Variants in ANGPT1 observed in about 807,000 individuals in gnomAD.
The protein encoded by ANGPT1 is angiopoietin 1, also known as angiopoietin-1.
A neutral mutation model predicts 62.2 loss-of-function variants in ANGPT1; 17 were observed. The observed-to-expected ratio is 0.27, with a 90% CI of 0.19 to 0.41. The LOEUF (loss-of-function observed/expected upper bound fraction) is 0.41. Ranked by LOEUF, ANGPT1 falls within the 10% of genes least tolerant of loss-of-function variation. ANGPT1 has a pLI of 1.00. For missense variants in ANGPT1, 478 were observed against 594.9 expected, an observed-to-expected ratio of 0.80 and a Z score of 2.04; for synonymous variants, 199 against 198.9, an observed-to-expected ratio of 1.00 and a Z score of 0.00.
intron 1 of ANGPT1, among the ~76,000 whole-genome samples, chr8:107,461,307 G>A (rs542265261): frequency 6.6e-6 from 1 of 152,034 alleles, no homozygotes; most frequent in African/African-American, 2.4e-5. Flanking sequence ...TTTAGTAAAA[G>A]GTACTTATGC....
intron 1 of ANGPT1, among the ~76,000 whole-genome samples, chr8:107,406,899 A>AG (rs371141746): frequency 0.088 from 13,306 of 150,642 alleles, 672 homozygotes; most frequent in Non-Finnish European, 0.12. Context: ...AAAAAAAAAA[A>AG]GCAATTCTAC....
intron 6 of ANGPT1, among the ~76,000 whole-genome samples, chr8:107,290,035 C>G (rs540779860): frequency 6.6e-6 from 1 of 152,092 alleles, no homozygotes; most frequent in African/African-American, 2.4e-5. Context: ...ATCCATAAAC[C>G]AGATTTTGCT....
At chr8:107,314,302 T>C (rs113778028) in intron 4 of ANGPT1, among the ~76,000 whole-genome samples, 2 of 152,182 alleles carry the variant, frequency 1.3e-5, no homozygotes, top group Admixed American at 6.5e-5. Context: ...ATATCCCTTT[T>C]CAGATAGTTC....
intron 4 of ANGPT1, among the ~76,000 whole-genome samples, chr8:107,313,132 TTAAGA>T (rs754746122): frequency 2.4e-3 from 369 of 151,880 alleles, no homozygotes; most frequent in Non-Finnish European, 3.7e-3. Context: ...CTAAAAATAA[TTAAGA>T]TAATTAAGAT....
At chr8:107,412,184 G>A (rs1321121892) in intron 1 of ANGPT1, among the ~76,000 whole-genome samples, 1 of 152,052 alleles carries the variant, frequency 6.6e-6, no homozygotes, top group African/African-American at 2.4e-5. Flanking sequence ...GGCAAACAAG[G>A]GGAGATTTTC....
At chr8:107,385,642 C>T (rs7829035) in intron 1 of ANGPT1, among the ~76,000 whole-genome samples, 5,084 of 151,920 alleles carry the variant, frequency 0.033, 289 homozygotes, top group African/African-American at 0.11. Flanking sequence ...TGCCTGATTG[C>T]TCTGGCTAGG....
At chr8:107,290,605 T>G (rs1320671631) in intron 6 of ANGPT1, among the ~76,000 whole-genome samples, 1 of 152,198 alleles carries the variant, frequency 6.6e-6, no homozygotes, top group African/African-American at 2.4e-5. Flanking sequence ...GTTTTAACCA[T>G]CTTGTAACAT....
chr8:107,359,119 AG>A (rs1288951009), intron 1 of ANGPT1, among the ~76,000 whole-genome samples: 1 of 152,182 alleles, frequency 6.6e-6, no homozygotes, highest in African/African-American at 2.4e-5. Context: ...ATATATTAAC[AG>A]TATTGTTTTA....
intron 3 of ANGPT1, among the ~76,000 whole-genome samples, chr8:107,329,421 T>C (rs1815367653): frequency 6.6e-6 from 1 of 152,090 alleles, no homozygotes; most frequent in African/African-American, 2.4e-5. Flanking sequence ...GTCATAGGTC[T>C]AGAATGGCCT....
intron 1 of ANGPT1, among the ~76,000 whole-genome samples, chr8:107,396,633 G>C (rs1001926657): frequency 7.1e-6 from 1 of 141,582 alleles, no homozygotes; most frequent in Non-Finnish European, 1.5e-5. Flanking sequence ...GGATCTTCAT[G>C]CTTCAGCCTC....
In ANGPT1 at chr8:107,346,928, G is replaced by T. The variant is rs747045326; in HGVS notation, c.453+14C>A. ...TTCCTTGTTGAGTCTGTGGACTCTGGCCCTGGGGTGTACCTGGGTCTCAAC... is the reference window on the plus strand; with the variant it reads ...TTCCTTGTTGAGTCTGTGGACTCTGTCCCTGGGGTGTACCTGGGTCTCAAC... On this transcript the variant is annotated intron_variant, in intron 2 of 8. Transcript: ENST00000517746. 19 of 1,605,284 alleles carry T rather than the reference G, an allele frequency of 1.2e-5. No homozygotes were observed. The highest frequency in any genetic ancestry group is 3.4e-5 in the Admixed American group (2 of 58,512).
chr8:107,302,223 A>T (rs1310590399), intron 5 of ANGPT1, among the ~76,000 whole-genome samples: 1 of 151,956 alleles, frequency 6.6e-6, no homozygotes, highest in Non-Finnish European at 1.5e-5. Flanking sequence ...ATCAGAGAAG[A>T]TTCCAAGAGC....
chr8:107,469,538 C>T (rs1172433061), intron 1 of ANGPT1, among the ~76,000 whole-genome samples: 1 of 151,972 alleles, frequency 6.6e-6, no homozygotes, highest in African/African-American at 2.4e-5. Context: ...GCCATATGCA[C>T]CAGCTCTATG....
In ANGPT1 at chr8:107,400,971, C is replaced by T. The variant is rs143204793; in HGVS notation, c.298-53874G>A. On this transcript the variant is annotated intron_variant, in intron 1 of 8. Transcript: ENST00000517746. ...ACACATGAATGCAACACCTCCACCC[C>T]GCACACACCCCACAAATGATTGCTT... Among the ~76,000 whole-genome samples the T allele has an allele frequency of 2.1e-3, 321 of 152,174 alleles. 1 individual carries two copies. Among genetic ancestry groups the T allele is most frequent in the Non-Finnish European group, 2.0e-3 (133 of 68,010 alleles).
At position 107,294,046 on chromosome 8, in the gene ANGPT1, T is replaced by C; in HGVS notation, c.937-9A>G. On this transcript the variant is annotated splice_polypyrimidine_tract_variant and intron_variant, in intron 5 of 8. Coordinates refer to ENST00000517746, the MANE Select transcript of ANGPT1 (RefSeq NM_001146.5). ...TCCATATTGCAAAACACCTGACAAA[T>C]GGAAAACAAAGTCAAGTAAAAAATA... The C allele has an allele frequency of 6.2e-7, 1 of 1,601,690 alleles. No homozygotes were observed. Among genetic ancestry groups the C allele is most frequent in the Non-Finnish European group, 8.5e-7 (1 of 1,173,096 alleles).
chr8:107,464,823 C>A (rs1012037959), intron 1 of ANGPT1, among the ~76,000 whole-genome samples: 1 of 151,978 alleles, frequency 6.6e-6, no homozygotes, highest in African/African-American at 2.4e-5. Flanking sequence ...AAGAGTCAGA[C>A]AGGAAATCAA....
chr8:107,432,793 TA>T (rs1811228339), intron 1 of ANGPT1, among the ~76,000 whole-genome samples: 1 of 151,794 alleles, frequency 6.6e-6, no homozygotes, highest in Non-Finnish European at 1.5e-5. Context: ...AGGATATGTA[TA>T]TTATACTCTG....
At chr8:107,355,095 T>C (rs2130185336) in intron 1 of ANGPT1, among the ~76,000 whole-genome samples, 1 of 152,030 alleles carries the variant, frequency 6.6e-6, no homozygotes, top group African/African-American at 2.4e-5. Flanking sequence ...AGAGACAGGG[T>C]TTTGCCATGT....
chr8:107,387,356 T>C (rs567463543), intron 1 of ANGPT1, among the ~76,000 whole-genome samples: 2 of 152,228 alleles, frequency 1.3e-5, no homozygotes, highest in East Asian at 3.9e-4. Context: ...GAATTCTTCC[T>C]CTTTTGTGCC....
Sources: gnomAD v4.1 joint callset for allele counts (sites outside exome capture counted in the v4.1 genomes callset) on GRCh38, gnomAD v4.1.1 for gene constraint, MANE v1.5 for transcripts, NCBI Gene and HGNC (gene_info 2026-07-23, HGNC 2026-07-21) for gene names.